DNM2: variants seen among roughly 807,000 people sequenced by gnomAD.
The protein encoded by DNM2 is dynamin 2.
Under a neutral mutation model 99.0 loss-of-function variants are expected in DNM2, and 15 were observed. That is an observed-to-expected ratio of 0.15 (90% CI 0.10 to 0.23). The LOEUF is 0.23. DNM2 is among the 10% of genes least tolerant of loss of function. The probability of loss-of-function intolerance (pLI) is 1.00; values close to 1 mark genes in which losing one functional copy is unlikely to be tolerated. For missense variants in DNM2, 742 were observed against 1,189.4 expected (o/e 0.62, Z 5.53); for synonymous variants, 525 against 481.2 (o/e 1.09, Z -1.19).
chr19:10,753,838 G>A (rs575414605), intron 1 of DNM2, among the ~76,000 whole-genome samples: 2 of 152,004 alleles, frequency 1.3e-5, no homozygotes, highest in South Asian at 2.1e-4. Context: ...TGTAATTTTA[G>A]TAGAGATGGG....
intron 16 of DNM2, among the ~76,000 whole-genome samples, chr19:10,823,063 C>T (rs560265396): frequency 3.3e-4 from 50 of 151,218 alleles, no homozygotes; most frequent in African/African-American, 1.2e-3. Flanking sequence ...CAAGATCGCG[C>T]CACTGCACTC....
At chr19:10,746,220 C>A (rs2069961984) in intron 1 of DNM2, among the ~76,000 whole-genome samples, 1 of 152,048 alleles carries the variant, frequency 6.6e-6, no homozygotes, top group Non-Finnish European at 1.5e-5. Flanking sequence ...CTCGGCCTTC[C>A]AAAGTGCTGG....
intron 16 of DNM2, among the ~76,000 whole-genome samples, chr19:10,822,676 T>A (rs939624420): frequency 6.6e-6 from 1 of 151,888 alleles, no homozygotes; most frequent in African/African-American, 2.4e-5. Flanking sequence ...TTTTTTGTAT[T>A]TTAGTATTGA....
intron 1 of DNM2, among the ~76,000 whole-genome samples, chr19:10,726,341 G>A (rs956225892): frequency 6.6e-6 from 1 of 152,054 alleles, no homozygotes; most frequent in African/African-American, 2.4e-5. Flanking sequence ...AATTACAGGT[G>A]TGAGCCGCCG....
intron 16 of DNM2, among the ~76,000 whole-genome samples, chr19:10,821,968 C>T (rs910603094): frequency 6.6e-6 from 1 of 152,176 alleles, no homozygotes; most frequent in African/African-American, 2.4e-5. Flanking sequence ...ATCCAGAGGT[C>T]GTTCGGGGCA....
rs146877273 is a variant in DNM2, at chr19:10,775,992, G to A, written c.589+86G>A. 928 of 1,527,674 alleles carry A rather than the reference G, an allele frequency of 6.1e-4. 4 individuals carry two copies. The African/African-American group carries it at 0.011, about 19-fold the overall frequency. The allele number at this position is 1,527,674 out of a possible 1,614,324, so 94.6% of individuals were successfully genotyped here. ...GCATCCTTGGTTCCAAGTCACTGGC[G>A]TTCTCTTTAATCCATGGCCGCTGTA... is the stretch of plus-strand genomic sequence containing the variant. On this transcript the variant is annotated intron_variant, in intron 4 of 20. Coordinates refer to ENST00000389253, the MANE Select transcript of DNM2 (RefSeq NM_001005361.3). The surrounding 1 kb of genome is among the most constrained non-coding windows in gnomAD (Gnocchi z 4.3).
Position 10,755,641 on chromosome 19 carries a change from C to CT in DNM2, c.162-4086dup, listed in dbSNP as rs571626199. Among the ~76,000 whole-genome samples, 894 of 140,518 alleles carry CT rather than the reference C, an allele frequency of 6.4e-3. 11 individuals are homozygous for CT. The highest frequency in any genetic ancestry group is 0.021 in the African/African-American group (802 of 38,326). 92.2% of individuals were successfully genotyped at this position (140,518 alleles called of 152,430 possible). On this transcript the variant is annotated intron_variant, in intron 1 of 20. Coordinates refer to ENST00000389253, the MANE Select transcript of DNM2 (RefSeq NM_001005361.3). The stretch of plus-strand genomic sequence containing the variant: ...ACACCCGGCCAGGGTTTTTTTTTGT[C>CT]TTTTTTTTTTTGTATTTTGTATTGT...
chr19:10,786,849 C>T (rs1204528571), intron 7 of DNM2, 143 bp downstream of exon 7: 1 of 1,496,624 alleles, frequency 6.7e-7, no homozygotes, highest in African/African-American at 1.4e-5. Context: ...GCGTGCCAGG[C>T]TCCATCCTAA....
intron 5 of DNM2, chr19:10,780,146 G>C (rs1401700606): frequency 6.6e-6 from 1 of 152,450 alleles, no homozygotes; most frequent in East Asian, 1.9e-4. Flanking sequence ...CCCCAGCACT[G>C]CTGAGATATT....
At chr19:10,790,616 G>A (rs995050483) in intron 7 of DNM2, among the ~76,000 whole-genome samples, 6 of 151,998 alleles carry the variant, frequency 3.9e-5, no homozygotes, top group African/African-American at 1.2e-4. Context: ...ACAGGCATGC[G>A]CCACCACACC....
rs547280264 is a variant in DNM2, at chr19:10,764,111, A to G, written c.235+4300A>G. 6.6e-6 allele frequency among the ~76,000 whole-genome samples: 1 copy of G among 152,140 alleles called. No individual in the cohort carries two copies. The highest frequency in any genetic ancestry group is 2.4e-5 in the African/African-American group (1 of 41,408). On this transcript the variant is annotated intron_variant, in intron 2 of 20. Coordinates refer to ENST00000389253, the MANE Select transcript of DNM2 (RefSeq NM_001005361.3). This position sits in a 1 kb window ranked among gnomAD's most constrained non-coding sequence, Gnocchi z 4.1. ...GCCGGCGGGGCCTTGTGGGGTATAC[A>G]CCAGACCACGTGGCTCCTAGGGATT...
rs1426082915 is a variant in DNM2 at position 10,831,618 on chromosome 19, G to T, written c.*571G>T. ...CCTGGCCCAGCCTCGGCTGCCAGAG[G>T]TGCCTTTGCTAGGCCCGGAGCCGTT... is the stretch of plus-strand genomic sequence containing the variant. On this transcript the variant is annotated 3_prime_UTR_variant, in exon 21 of 21. Transcript: ENST00000389253. This position sits in a 1 kb window ranked among gnomAD's most constrained non-coding sequence, Gnocchi z 4.3. 1 of 985,968 alleles carries T rather than the reference G, an allele frequency of 1.0e-6. No homozygotes were observed. The highest frequency in any genetic ancestry group is 1.2e-6 in the Non-Finnish European group (1 of 830,150). The allele number at this position is 985,968 out of a possible 1,614,324, so 61.1% of individuals were successfully genotyped here. A position where few individuals can be genotyped will look rare whatever the true frequency, so the allele number is the denominator to read the frequency against.
chr19:10,797,909 G>A (rs1360656157), intron 10 of DNM2, among the ~76,000 whole-genome samples: 1 of 152,054 alleles, frequency 6.6e-6, no homozygotes, highest in East Asian at 1.9e-4. Context: ...TCCCCGACTC[G>A]TGGACTTGAC....
At chr19:10,802,430 T>A in intron 12 of DNM2, 72 bp downstream of exon 12, 1 of 1,552,648 alleles carries the variant, frequency 6.4e-7, no homozygotes, top group Non-Finnish European at 8.9e-7. Context: ...GGTGACTGAG[T>A]TGGGATTCTC....
At chr19:10,780,830 A>G (rs565003968) in intron 5 of DNM2, among the ~76,000 whole-genome samples, 15 of 152,062 alleles carry the variant, frequency 9.9e-5, no homozygotes, top group African/African-American at 3.4e-4. Flanking sequence ...TGGGAGACCA[A>G]GGCGGGTGGA....
At position 10,829,257 on chromosome 19, in the gene DNM2, C is replaced by T; in HGVS notation, c.2280C>T (p.Ala760=). The T allele has an allele frequency of 6.2e-7, 1 of 1,613,124 alleles. No homozygotes were observed. Among genetic ancestry groups the T allele is most frequent in the Non-Finnish European group, 8.5e-7 (1 of 1,179,966 alleles). ...TCGATGACACCTGGCTCCAGAGCGC[C>T]AGCAGCCACAGGTCCGGAAGCCTGG... ...PPVDDTWLQS[A]SSHSPTPQRR... Residue 760 remains alanine, a synonymous_variant, in exon 19 of 21, where the codon GCC becomes GCT. Coordinates refer to ENST00000389253, the MANE Select transcript of DNM2 (RefSeq NM_001005361.3).
intron 17 of DNM2, 86 bp from the exon 18 acceptor site, chr19:10,824,971 T>C: frequency 1.2e-6 from 2 of 1,604,348 alleles, no homozygotes; most frequent in South Asian, 2.2e-5. Flanking sequence ...CAGTTATTGG[T>C]GGGACAATAG....
chr19:10,738,155 G>C (rs2145745580), intron 1 of DNM2, among the ~76,000 whole-genome samples: 1 of 152,240 alleles, frequency 6.6e-6, no homozygotes, highest in Middle Eastern at 3.4e-3. Flanking sequence ...CACTTTGGAA[G>C]GCCGAGGTGG....
Position 10,793,681 on chromosome 19 carries a change from AC to A in DNM2, c.993-37del, listed in dbSNP as rs532752644. On this transcript the variant is annotated intron_variant, in intron 7 of 20. Coordinates refer to ENST00000389253, the MANE Select transcript of DNM2 (RefSeq NM_001005361.3). ...AACATCATTCCAGAGTAGTGTGGAA[AC>A]CTCCGTTTTGATGCTTGCTTTTTCC... 298 of 1,613,794 alleles carry A rather than the reference AC, an allele frequency of 1.8e-4. 4 individuals are homozygous for A. The South Asian group carries it at 2.7e-3, about 15-fold the overall frequency.
Sources: gnomAD v4.1 joint callset for allele counts (sites outside exome capture counted in the v4.1 genomes callset) on GRCh38, gnomAD v4.1.1 for gene constraint, Gnocchi (gnomAD v3.1) non-coding constraint, MANE v1.5 for transcripts, NCBI Gene and HGNC (gene_info 2026-07-23, HGNC 2026-07-21) for gene names.